Variants in CUL3 observed in about 807,000 individuals in gnomAD.
CUL3 encodes cullin 3, also known as cullin-3.
Under a neutral mutation model 89.1 loss-of-function variants are expected in CUL3, and 19 were observed. That is an observed-to-expected ratio of 0.21 (90% CI 0.15 to 0.31). The LOEUF is 0.31. Ranked by LOEUF, CUL3 falls within the 10% of genes least tolerant of loss-of-function variation. The pLI is 1.00. For synonymous variants in CUL3, 351 were observed against 308.4 expected (o/e 1.14, Z -1.45); for missense variants, 469 against 942.3 (o/e 0.50, Z 6.58).
At chr2:224,526,459 G>A (rs1037034636) in intron 3 of CUL3, among the ~76,000 whole-genome samples, 16 of 151,784 alleles carry the variant, frequency 1.1e-4, no homozygotes, top group East Asian at 1.9e-4. Context: ...GGTGGTGGGC[G>A]CCTGTAATCC....
intron 13 of CUL3, among the ~76,000 whole-genome samples, chr2:224,486,014 A>G (rs576614512): frequency 6.6e-6 from 1 of 152,384 alleles, no homozygotes; most frequent in African/African-American, 2.4e-5. Flanking sequence ...CCTGCAGAAG[A>G]GAGGCCTGAT....
At chr2:224,543,519 A>G (rs1272106724) in intron 2 of CUL3, among the ~76,000 whole-genome samples, 1 of 152,212 alleles carries the variant, frequency 6.6e-6, no homozygotes, top group Non-Finnish European at 1.5e-5. Flanking sequence ...TCACTTATCC[A>G]AAACACTTGG....
chr2:224,525,883 A>G (rs1693454755), intron 3 of CUL3, among the ~76,000 whole-genome samples: 1 of 152,252 alleles, frequency 6.6e-6, no homozygotes, highest in Admixed American at 6.5e-5. Flanking sequence ...AAAACTTAAG[A>G]GCTAAAAGGG....
intron 13 of CUL3, among the ~76,000 whole-genome samples, chr2:224,491,549 A>T (rs944486281): frequency 9.9e-5 from 15 of 152,176 alleles, no homozygotes; most frequent in African/African-American, 3.6e-4. Flanking sequence ...GATACTTATG[A>T]ATTTCATTCC....
intron 15 of CUL3, among the ~76,000 whole-genome samples, chr2:224,474,744 C>T (rs966510055): frequency 6.6e-6 from 1 of 152,140 alleles, no homozygotes; most frequent in South Asian, 2.1e-4. Context: ...ACACAAACTC[C>T]GGACTCAGAG....
chr2:224,582,465 T>C (rs577569979), intron 1 of CUL3, among the ~76,000 whole-genome samples: 10 of 152,350 alleles, frequency 6.6e-5, no homozygotes, highest in South Asian at 2.1e-4. Context: ...TAAACTGTAA[T>C]AGTTCTTTCC....
chr2:224,522,211 GAAAT>G (rs1007100802), intron 3 of CUL3, among the ~76,000 whole-genome samples: 6 of 152,048 alleles, frequency 3.9e-5, no homozygotes, highest in East Asian at 3.9e-4. Flanking sequence ...TTCAAATCAT[GAAAT>G]AAATACAGAT....
At chr2:224,513,996 A>ATGG (rs1692940727) in intron 4 of CUL3, among the ~76,000 whole-genome samples, 1 of 152,238 alleles carries the variant, frequency 6.6e-6, no homozygotes, top group African/African-American at 2.4e-5. Context: ...TGGGCAATAT[A>ATGG]ACTTTTTGCA....
intron 3 of CUL3, among the ~76,000 whole-genome samples, chr2:224,534,879 T>C (rs997178327): frequency 5.3e-5 from 8 of 151,590 alleles, no homozygotes; most frequent in Non-Finnish European, 8.8e-5. Context: ...CGGGCACCTG[T>C]AGTCCCAGCT....
At chr2:224,569,090 T>G (rs1695117288) in intron 1 of CUL3, among the ~76,000 whole-genome samples, 1 of 150,566 alleles carries the variant, frequency 6.6e-6, no homozygotes, top group Non-Finnish European at 1.5e-5. Flanking sequence ...CTTTATGTAT[T>G]AATATATTTT....
At chr2:224,496,047 A>G (rs1692158359) in intron 12 of CUL3, 81 bp from the exon 13 acceptor site, 1 of 1,425,186 alleles carries the variant, frequency 7.0e-7, no homozygotes, top group Non-Finnish European at 9.7e-7. Flanking sequence ...GTACATATGT[A>G]TGTTACAGGG....
At chr2:224,557,879 GAGACA>G in intron 1 of CUL3, 23 bp from the exon 2 acceptor site, 2 of 75,154 alleles carry the variant, frequency 2.7e-5, no homozygotes, top group Admixed American at 3.3e-4. Context: ...AGAGAGAGAA[GAGACA>G]AAAAAAAAAA....
Position 224,505,985 on chromosome 2 carries a change from C to A in CUL3, c.1177G>T (p.Asp393Tyr), listed in dbSNP as rs2106202764. 6.2e-7 allele frequency: 1 copy of A among 1,603,492 alleles called. No homozygotes were observed. The highest frequency in any genetic ancestry group is 8.5e-7 in the Non-Finnish European group (1 of 1,174,732). ...TTGACTCCCTTTTTCAGCTTATCAT[C>A]AATAAATAATGAGAGGTATTCAGGA... ...RSPEYLSLFI[D>Y]DKLKKGVKGL... Residue 393 changes from aspartate (D) to tyrosine (Y), a missense_variant, in exon 8 of 16, where the codon GAT becomes TAT. Transcript: ENST00000264414.
At chr2:224,482,584 T>G (rs1472581802) in intron 13 of CUL3, among the ~76,000 whole-genome samples, 2 of 149,442 alleles carry the variant, frequency 1.3e-5, no homozygotes, top group African/African-American at 4.9e-5. Context: ...TATGACCAAA[T>G]GAAGAAAAAA....
At chr2:224,495,309 T>C (rs1414512957) in intron 13 of CUL3, 4 of 152,312 alleles carry the variant, frequency 2.6e-5, no homozygotes, top group Non-Finnish European at 5.9e-5. Flanking sequence ...ATGTTAAACA[T>C]ATAGCTCTAC....
chr2:224,483,942 C>T (rs1307974687), intron 13 of CUL3, among the ~76,000 whole-genome samples: 1 of 152,126 alleles, frequency 6.6e-6, no homozygotes, highest in Admixed American at 6.6e-5. Flanking sequence ...GTAATCCCAG[C>T]ACTTTGGGAG....
At chr2:224,557,883 CA>C (rs748754000) in intron 1 of CUL3, 27 bp from the exon 2 acceptor site, 2,305 of 112,138 alleles carry the variant, frequency 0.021, no homozygotes, top group Middle Eastern at 0.034. Context: ...AGAGAAGAGA[CA>C]AAAAAAAAAA....
intron 2 of CUL3, among the ~76,000 whole-genome samples, chr2:224,540,459 G>GA (rs1176240659): frequency 6.6e-6 from 1 of 150,984 alleles, no homozygotes; most frequent in Non-Finnish European, 1.5e-5. Context: ...AAGAAAGAAA[G>GA]AAGAAAGAAG....
chr2:224,503,902 A>C (rs1019730588), intron 8 of CUL3, 80 bp from the exon 9 acceptor site: 1 of 1,090,052 alleles, frequency 9.2e-7, no homozygotes, highest in Admixed American at 3.4e-5. Flanking sequence ...CAGCTTAAAA[A>C]CACTATTGTT....
Sources: gnomAD v4.1 joint callset for allele counts (sites outside exome capture counted in the v4.1 genomes callset) on GRCh38, gnomAD v4.1.1 for gene constraint, MANE v1.5 for transcripts, NCBI Gene and HGNC (gene_info 2026-07-23, HGNC 2026-07-21) for gene names.